PITPNM2: variants seen among roughly 807,000 people sequenced by gnomAD.
The protein encoded by PITPNM2 is membrane-associated phosphatidylinositol transfer protein 2.
Under a neutral mutation model 132.2 loss-of-function variants are expected in PITPNM2, and 35 were observed. The observed-to-expected ratio is 0.26, with a 90% CI of 0.20 to 0.35. The LOEUF (loss-of-function observed/expected upper bound fraction) is 0.35. PITPNM2 is among the 10% of genes least tolerant of loss of function. The probability of loss-of-function intolerance (pLI) is 1.00; values close to 1 mark genes in which losing one functional copy is unlikely to be tolerated. For synonymous variants in PITPNM2, 738 were observed against 799.2 expected, an observed-to-expected ratio of 0.92 and a Z score of 1.29; for missense variants, 1,332 against 1,912.0, an observed-to-expected ratio of 0.70 and a Z score of 5.66.
At position 123,078,337 on chromosome 12, in the gene PITPNM2, C is replaced by T. The variant is rs1025857568; in HGVS notation, c.-96+32048G>A. 2.6e-5 allele frequency among the ~76,000 whole-genome samples: 4 copies of T among 152,120 alleles called. No individual in the cohort carries two copies. The highest frequency in any genetic ancestry group is 4.8e-5 in the African/African-American group (2 of 41,434). ...AGGCGGGGAGGGGTACCGGCCAGAC[C>T]GGTGGGCAAAAGCAGCAGCTGGTGG... On this transcript the variant is annotated intron_variant, in intron 2 of 25. Transcript: ENST00000320201. The surrounding 1 kb of genome is among the most constrained non-coding windows in gnomAD (Gnocchi z 7.3).
intron 1 of PITPNM2, among the ~76,000 whole-genome samples, chr12:123,118,298 G>C (rs937983020): frequency 3.3e-5 from 5 of 152,142 alleles, no homozygotes; most frequent in African/African-American, 1.2e-4. Flanking sequence ...TGTACTCTGC[G>C]ATCATGATGG....
intron 1 of PITPNM2, among the ~76,000 whole-genome samples, chr12:123,137,709 A>C (rs2043410903): frequency 6.6e-6 from 1 of 152,024 alleles, no homozygotes; most frequent in African/African-American, 2.4e-5. Context: ...CCTGGCCAAC[A>C]AAGTGAAACC....
At chr12:123,147,394 A>G (rs1253821022) in intron 1 of PITPNM2, among the ~76,000 whole-genome samples, 1 of 152,176 alleles carries the variant, frequency 6.6e-6, no homozygotes, top group Non-Finnish European at 1.5e-5. Context: ...AACTCACTGC[A>G]GCCTGAAACT....
chr12:123,066,468 C>T (rs2041418535), intron 2 of PITPNM2, among the ~76,000 whole-genome samples: 1 of 152,122 alleles, frequency 6.6e-6, no homozygotes, highest in African/African-American at 2.4e-5. Flanking sequence ...ACCATCATCT[C>T]CACTGCCTTT....
rs1289056232 is a variant in PITPNM2 at position 123,097,559 on chromosome 12, G to C, written c.-96+12826C>G. ...TCTTAAGGCACGCACATGCTCAGCA[G>C]TGATGGCATGGATGGGGAGGGGTTC... On this transcript the variant is annotated intron_variant, in intron 2 of 25. Transcript: ENST00000320201. This position sits in a 1 kb window ranked among gnomAD's most constrained non-coding sequence, Gnocchi z 4.7. Among the ~76,000 whole-genome samples the C allele has an allele frequency of 6.6e-6, 1 of 152,222 alleles. No homozygotes were observed. Among genetic ancestry groups the C allele is most frequent in the Non-Finnish European group, 1.5e-5 (1 of 68,040 alleles).
rs1177194483 is a variant in PITPNM2 at position 122,984,475 on chromosome 12, C to A, written c.*1552G>T. The stretch of plus-strand genomic sequence containing the variant: ...GCTTTATACATAATGCCTGAAACAA[C>A]AAAAAGCTACATCTTAAATATGAAT... On this transcript the variant is annotated 3_prime_UTR_variant, in exon 26 of 26. Coordinates refer to ENST00000320201, the MANE Select transcript of PITPNM2 (RefSeq NM_020845.3). 1 of 152,562 alleles carries A rather than the reference C, an allele frequency of 6.6e-6. No individual in the cohort carries two copies. The highest frequency in any genetic ancestry group is 1.5e-5 in the Non-Finnish European group (1 of 68,048). The allele number at this position is 152,562 out of a possible 1,614,324, so 9.5% of individuals were successfully genotyped here.
intron 18 of PITPNM2, 106 bp downstream of exon 18, chr12:122,989,681 G>T: frequency 1.8e-6 from 2 of 1,126,908 alleles, no homozygotes; most frequent in Non-Finnish European, 2.3e-6. Flanking sequence ...CCAGCCCCCA[G>T]CTCCCTGTTA....
intron 5 of PITPNM2, among the ~76,000 whole-genome samples, chr12:123,010,291 A>C (rs2039130853): frequency 6.6e-6 from 1 of 152,054 alleles, no homozygotes; most frequent in Non-Finnish European, 1.5e-5. Flanking sequence ...TCATTCAGAT[A>C]AGGGTCTTGC....
rs549486956 is a variant in PITPNM2, at chr12:123,139,229, G to C, written c.-200+11524C>G. Among the ~76,000 whole-genome samples the C allele has an allele frequency of 6.7e-5, 10 of 148,282 alleles. No individual in the cohort carries two copies. The South Asian group carries it at 1.9e-3, about 29-fold the overall frequency. On this transcript the variant is annotated intron_variant, in intron 1 of 25. Coordinates refer to ENST00000320201, the MANE Select transcript of PITPNM2 (RefSeq NM_020845.3). ...AAACAGACAATCGTTGGCCAGGCAC[G>C]GTGGCTCACACCTGTAATCCCAGCA...
intron 2 of PITPNM2, among the ~76,000 whole-genome samples, chr12:123,067,058 G>A (rs547760967): frequency 6.6e-6 from 1 of 152,336 alleles, no homozygotes; most frequent in East Asian, 1.9e-4. Context: ...TTTGGAAATA[G>A]GGTATTTGTG....
intron 3 of PITPNM2, among the ~76,000 whole-genome samples, chr12:123,029,823 GTGTC>G (rs374039504): frequency 0.095 from 12,754 of 133,680 alleles, 1,789 homozygotes; most frequent in African/African-American, 0.35. Flanking sequence ...ACACACATAT[GTGTC>G]TGTGTGTGTG....
chr12:123,024,082 C>T lies in PITPNM2; in HGVS notation c.79-10040G>A, dbSNP rs544324959. Among the ~76,000 whole-genome samples, 3 of 152,170 alleles carry T rather than the reference C, an allele frequency of 2.0e-5. No individual in the cohort carries two copies. The East Asian group carries it at 5.8e-4, about 29-fold the overall frequency. On this transcript the variant is annotated intron_variant, in intron 3 of 25. Coordinates refer to ENST00000320201, the MANE Select transcript of PITPNM2 (RefSeq NM_020845.3). ...CAGCCTGAGCGACATAGCAAGACCC[C>T]ATCTCTAAAAAAATAGTAAGAATAA...
chr12:123,004,291 A>C lies in PITPNM2; in HGVS notation c.1048+103T>G. 9.4e-7 allele frequency: 1 copy of C among 1,065,572 alleles called. No homozygotes were observed. Among genetic ancestry groups the C allele is most frequent in the Non-Finnish European group, 1.4e-6 (1 of 706,742 alleles). The allele number at this position is 1,065,572 out of a possible 1,614,324, so 66.0% of individuals were successfully genotyped here. ...TAGGGACTGGATATAGAATAGTAAC[A>C]GGCAACACCCGCATCAGTCCACACC... On this transcript the variant is annotated intron_variant, in intron 8 of 25. Coordinates refer to ENST00000320201, the MANE Select transcript of PITPNM2 (RefSeq NM_020845.3). This position sits in a 1 kb window ranked among gnomAD's most constrained non-coding sequence, Gnocchi z 4.9.
In PITPNM2 at chr12:123,000,625, G is replaced by T; in HGVS notation, c.1224+153C>A. On this transcript the variant is annotated intron_variant, in intron 10 of 25. Transcript: ENST00000320201. The surrounding 1 kb of genome is among the most constrained non-coding windows in gnomAD (Gnocchi z 5.4). Reference sequence around the variant, plus strand: ...TCCTAGCAGGGCAGCAAAAAAGGAGGCCCAGGCCTCTCCCCAGACAGTACC... The same window carrying T: ...TCCTAGCAGGGCAGCAAAAAAGGAGTCCCAGGCCTCTCCCCAGACAGTACC... 2.4e-6 allele frequency: 2 copies of T among 850,634 alleles called. No homozygotes were observed. The highest frequency in any genetic ancestry group is 3.7e-6 in the Non-Finnish European group (2 of 543,816). 52.7% of individuals were successfully genotyped at this position (850,634 alleles called of 1,614,324 possible).
chr12:123,041,735 G>GA (rs949557488), intron 2 of PITPNM2, among the ~76,000 whole-genome samples: 47 of 151,048 alleles, frequency 3.1e-4, no homozygotes, highest in African/African-American at 9.7e-4. Flanking sequence ...CACAGACAGA[G>GA]AAAAAAAAAC....
intron 1 of PITPNM2, among the ~76,000 whole-genome samples, chr12:123,127,610 C>CTTTTTTTTTT (rs1202654049): frequency 1.4e-5 from 2 of 139,482 alleles, no homozygotes; most frequent in Non-Finnish European, 3.1e-5. Flanking sequence ...CTTTTTCTTT[C>CTTTTTTTTTT]TTTTTTTTTT....
chr12:123,091,255 G>T (rs1310227551), intron 2 of PITPNM2: 2 of 152,232 alleles, frequency 1.3e-5, no homozygotes, highest in Admixed American at 6.5e-5. Context: ...GTGCCTAAGC[G>T]ATCTGTGGCT....
chr12:123,058,909 A>G lies in PITPNM2; in HGVS notation c.-95-24224T>C, dbSNP rs988528830. On this transcript the variant is annotated intron_variant, in intron 2 of 25. Coordinates refer to ENST00000320201, the MANE Select transcript of PITPNM2 (RefSeq NM_020845.3). This position sits in a 1 kb window ranked among gnomAD's most constrained non-coding sequence, Gnocchi z 4.0. ...TGGGCAAAGCTGAGTGCCCAGGTGC[A>G]TTGAGAGCACCTCAGCCCCAGCTCC... is the stretch of plus-strand genomic sequence containing the variant. Among the ~76,000 whole-genome samples, 1 of 151,796 alleles carries G rather than the reference A, an allele frequency of 6.6e-6. No homozygotes were observed. Among genetic ancestry groups the G allele is most frequent in the Non-Finnish European group, 1.5e-5 (1 of 67,954 alleles).
chr12:123,053,284 C>T (rs2040920681), intron 2 of PITPNM2, among the ~76,000 whole-genome samples: 1 of 152,132 alleles, frequency 6.6e-6, no homozygotes, highest in African/African-American at 2.4e-5. Flanking sequence ...TAATTTAGGG[C>T]TATATATTTT....
Sources: gnomAD v4.1 joint callset for allele counts (sites outside exome capture counted in the v4.1 genomes callset) on GRCh38, gnomAD v4.1.1 for gene constraint, Gnocchi (gnomAD v3.1) non-coding constraint, MANE v1.5 for transcripts, NCBI Gene and HGNC (gene_info 2026-07-23, HGNC 2026-07-21) for gene names.